GGT1: variants seen among roughly 807,000 people sequenced by gnomAD.
GGT1 encodes gamma-glutamyltransferase 1, also known as glutathione hydrolase 1 proenzyme.
GGT1 carries 21 observed loss-of-function variants against 56.0 expected under a neutral mutation model. That is an observed-to-expected ratio of 0.38 (90% confidence interval 0.27 to 0.54). The LOEUF is 0.54. Ranked by LOEUF, GGT1 falls within the 20% of genes least tolerant of loss-of-function variation. GGT1 has a pLI of 0.82. For synonymous variants in GGT1, 238 were observed against 342.6 expected (o/e 0.69, Z 3.37); for missense variants, 466 against 787.0 (o/e 0.59, Z 4.88).
At chr22:24,592,624 A>T, upstream of GGT1, 1 of 580,236 alleles carries the variant, frequency 1.7e-6, no homozygotes, top group South Asian at 2.0e-5. Context: ...CCCCTCCTCC[A>T]CACGGTCCGC....
chr22:24,625,512 C>T (rs1183923687), intron 11 of GGT1, among the ~76,000 whole-genome samples: 1 of 152,018 alleles, frequency 6.6e-6, no homozygotes, highest in African/African-American at 2.4e-5. Context: ...ACTATCTTCC[C>T]ACCTCAGCCT....
rs2047853545 is a variant in GGT1, at chr22:24,627,346, A to T, written c.1021-86A>T. The T allele has an allele frequency of 5.5e-6, 8 of 1,446,072 alleles. No individual in the cohort carries two copies. The South Asian group carries it at 7.4e-5, about 13-fold the overall frequency. The allele number at this position is 1,446,072 out of a possible 1,614,324, so 89.6% of individuals were successfully genotyped here. On this transcript the variant is annotated intron_variant, in intron 11 of 15. Coordinates refer to ENST00000400382, the MANE Select transcript of GGT1 (RefSeq NM_001288833.2). ...GTGGGTGCCAGAGGGTTGCGGTCAG[A>T]GTCACAGTCAAGGGCCTTCTGAGAC...
chr22:24,610,741 G>A (rs988690732), intron 4 of GGT1, among the ~76,000 whole-genome samples: 2 of 141,336 alleles, frequency 1.4e-5, no homozygotes, highest in Non-Finnish European at 3.2e-5. Context: ...CTCAGCCACT[G>A]TAAGGAGGTA....
the GGT1 span, chr22:24,588,244 G>T: frequency 6.2e-7 from 1 of 1,613,364 alleles, no homozygotes; most frequent in Non-Finnish European, 8.5e-7. Flanking sequence ...GCGCAGGCTG[G>T]ACCCTTGCTG....
At chr22:24,602,125 C>T (rs555701277), upstream of GGT1, among the ~76,000 whole-genome samples, 40 of 152,258 alleles carry the variant, frequency 2.6e-4, 1 homozygote, top group South Asian at 6.8e-3. Context: ...GGGCTCAGGA[C>T]GGGCCTAGGG....
intron 9 of GGT1, among the ~76,000 whole-genome samples, chr22:24,622,495 T>C (rs374747807): frequency 2.0e-5 from 3 of 151,356 alleles, no homozygotes; most frequent in African/African-American, 7.3e-5. Flanking sequence ...ACCTGGGAGG[T>C]GGAGCTTGCA....
chr22:24,626,310 G>A (rs1184722811), intron 11 of GGT1, among the ~76,000 whole-genome samples: 10 of 135,018 alleles, frequency 7.4e-5, no homozygotes, highest in African/African-American at 1.2e-4. Context: ...CACCGCGCCC[G>A]GTGTTGAAAC....
chr22:24,587,672 C>T, the GGT1 span, among the ~76,000 whole-genome samples: 2 of 152,156 alleles, frequency 1.3e-5, no homozygotes, highest in African/African-American at 4.8e-5. Context: ...CTGAGAGGGA[C>T]CCATGGCAGA....
At chr22:24,586,296 C>T in the GGT1 span, 1 of 1,613,882 alleles carries the variant, frequency 6.2e-7, no homozygotes, top group African/African-American at 1.3e-5. Flanking sequence ...GCCAGCACAG[C>T]ACCATGGCTG....
chr22:24,601,119 G>A (rs2006094), upstream of GGT1, among the ~76,000 whole-genome samples: 62,873 of 151,090 alleles, frequency 0.42, 13,405 homozygotes, highest in Middle Eastern at 0.52. Context: ...AAAATGTCCT[G>A]GATAATATTG....
At chr22:24,607,927 C>G (rs902522534) in intron 1 of GGT1, 27 bp from the exon 2 acceptor site, 25 of 463,986 alleles carry the variant, frequency 5.4e-5, no homozygotes, top group Admixed American at 3.1e-4. Context: ...CTTTCCCAGG[C>G]AGACAAGTCT....
At chr22:24,622,158 G>A (rs1335865804) in intron 9 of GGT1, among the ~76,000 whole-genome samples, 1 of 146,442 alleles carries the variant, frequency 6.8e-6, no homozygotes, top group Admixed American at 7.0e-5. Context: ...TCCAAGACAA[G>A]CCTGGGCAAC....
In GGT1 at chr22:24,628,236, C is replaced by T. The variant is rs368441040; in HGVS notation, c.1450-39C>T. On this transcript the variant is annotated intron_variant, in intron 14 of 15. Coordinates refer to ENST00000400382, the MANE Select transcript of GGT1 (RefSeq NM_001288833.2). This position sits in a 1 kb window ranked among gnomAD's most constrained non-coding sequence, Gnocchi z 5.7. The stretch of plus-strand genomic sequence containing the variant: ...TCTCCCTGGCCGTGCCCACCCTGCA[C>T]AGCCCCCAAGCCATGCTGATCACAC... The T allele has an allele frequency of 4.8e-5, 77 of 1,612,028 alleles. No homozygotes were observed. In the African/African-American group the frequency reaches 9.7e-4, roughly 20 times the overall value.
At chr22:24,588,283 A>G in the GGT1 span, 1 of 1,613,576 alleles carries the variant, frequency 6.2e-7, no homozygotes, top group South Asian at 1.1e-5. Flanking sequence ...GAGGTGGTAG[A>G]TGAGCTGTCG....
At chr22:24,621,556 C>A (rs1467532239) in intron 9 of GGT1, among the ~76,000 whole-genome samples, 2 of 122,454 alleles carry the variant, frequency 1.6e-5, no homozygotes, top group Non-Finnish European at 3.3e-5. Flanking sequence ...CTGTGGCTTT[C>A]TTCAGGTAAT....
At chr22:24,605,944 TA>T (rs2046248837) in intron 1 of GGT1, among the ~76,000 whole-genome samples, 1 of 87,776 alleles carries the variant, frequency 1.1e-5, no homozygotes, top group Non-Finnish European at 2.0e-5. Flanking sequence ...ATATAATATA[TA>T]ATATTATATA....
the GGT1 span, chr22:24,589,726 A>C: frequency 7.2e-7 from 1 of 1,394,568 alleles, no homozygotes; most frequent in East Asian, 2.5e-5. Context: ...AGCAAGCCGC[A>C]GAAGGACCTA....
rs867547860 is a variant in GGT1 at position 24,605,418 on chromosome 22, A to G, written c.-429+1891A>G. On this transcript the variant is annotated intron_variant, in intron 1 of 15. Coordinates refer to ENST00000400382, the MANE Select transcript of GGT1 (RefSeq NM_001288833.2). The stretch of plus-strand genomic sequence containing the variant: ...TATATATTATATAATATTATATAAT[A>G]TGTATTATATATTATATAACAATAT... Among the ~76,000 whole-genome samples, 68 of 83,716 alleles carry G rather than the reference A, an allele frequency of 8.1e-4. 11 individuals are homozygous for G. The East Asian group carries it at 0.016, about 19-fold the overall frequency. The allele number at this position is 83,716 out of a possible 152,430, so 54.9% of individuals were successfully genotyped here.
chr22:24,626,062 C>G (rs183882483), intron 11 of GGT1, among the ~76,000 whole-genome samples: 28,015 of 97,136 alleles, frequency 0.29, 5,746 homozygotes, highest in African/African-American at 0.6. Context: ...GCGGGATCTC[C>G]GCTCACTGCA....
Sources: gnomAD v4.1 joint callset for allele counts (sites outside exome capture counted in the v4.1 genomes callset) on GRCh38, gnomAD v4.1.1 for gene constraint, Gnocchi (gnomAD v3.1) non-coding constraint, MANE v1.5 for transcripts, NCBI Gene and HGNC (gene_info 2026-07-23, HGNC 2026-07-21) for gene names.